The following TRAT1 variants were observed in gnomAD, a reference collection of about 807,000 sequenced individuals.
The protein encoded by TRAT1 is T cell receptor associated transmembrane adaptor 1, also known as T-cell receptor-associated transmembrane adapter 1.
Under a neutral mutation model 20.0 loss-of-function variants are expected in TRAT1, and 20 were observed. The ratio of observed to expected loss-of-function variants is 1.00; its 90% CI spans 0.70 to 1.45. The LOEUF is 1.45. Ranked by LOEUF, TRAT1 falls within the 40% of genes most tolerant of loss-of-function variation. The pLI is 0.00. For missense variants in TRAT1, 237 were observed against 224.1 expected, an observed-to-expected ratio of 1.06 and a Z score of -0.37; for synonymous variants, 77 against 74.2, an observed-to-expected ratio of 1.04 and a Z score of -0.20.
chr3:108,826,087 T>C (rs946316945), intron 1 of TRAT1, among the ~76,000 whole-genome samples: 3 of 152,170 alleles, frequency 2.0e-5, no homozygotes, highest in African/African-American at 7.2e-5. Flanking sequence ...GTCCTCCACC[T>C]CACTCTCATA....
chr3:108,839,156 G>C (rs1945868537), intron 3 of TRAT1, 189 bp downstream of exon 3: 1 of 550,100 alleles, frequency 1.8e-6, no homozygotes, highest in African/African-American at 1.9e-5. Context: ...CTAGTTATTT[G>C]CACACTGTGA....
Position 108,854,799 on chromosome 3 carries a change from A to T in TRAT1, c.*922A>T, listed in dbSNP as rs535581724. 6.6e-6 allele frequency: 1 copy of T among 152,146 alleles called. No homozygotes were observed. The highest frequency in any genetic ancestry group is 2.4e-5 in the African/African-American group (1 of 41,448). 9.4% of individuals were successfully genotyped at this position (152,146 alleles called of 1,614,324 possible). On this transcript the variant is annotated 3_prime_UTR_variant, in exon 6 of 6. Transcript: ENST00000295756. ...TAATTTTAATGACTTTTCAAAAACAATTTATTGATGCAAAAAGCAAGGTTG... is the reference window on the plus strand; with the variant it reads ...TAATTTTAATGACTTTTCAAAAACATTTTATTGATGCAAAAAGCAAGGTTG...
intron 2 of TRAT1, among the ~76,000 whole-genome samples, chr3:108,832,078 C>T (rs1945799206): frequency 6.6e-6 from 1 of 152,108 alleles, no homozygotes; most frequent in South Asian, 2.1e-4. Flanking sequence ...ACCGATAATA[C>T]TAATATAAAA....
At chr3:108,844,801 G>A (rs373184343) in intron 3 of TRAT1, among the ~76,000 whole-genome samples, 7 of 122,780 alleles carry the variant, frequency 5.7e-5, no homozygotes, top group Admixed American at 4.0e-4. Flanking sequence ...CCGAGATTGC[G>A]CCACTGCACT....
chr3:108,832,336 T>C (rs902322992), intron 2 of TRAT1, among the ~76,000 whole-genome samples: 3 of 152,190 alleles, frequency 2.0e-5, no homozygotes, highest in African/African-American at 7.2e-5. Context: ...ATGGCTAAGG[T>C]GAAATTTATG....
intron 1 of TRAT1, among the ~76,000 whole-genome samples, chr3:108,827,988 A>T (rs2107506207): frequency 6.6e-6 from 1 of 152,290 alleles, no homozygotes; most frequent in East Asian, 1.9e-4. Context: ...TAATGGACTA[A>T]CACAACTATT....
At chr3:108,846,885 G>A (rs1237684628) in intron 3 of TRAT1, among the ~76,000 whole-genome samples, 183 bp from the exon 4 acceptor site, 7 of 152,156 alleles carry the variant, frequency 4.6e-5, no homozygotes, top group Non-Finnish European at 7.4e-5. Context: ...ACGGAACACA[G>A]ATACACATAC....
In TRAT1 at chr3:108,836,136, T is replaced by C. The variant is rs143692795; in HGVS notation, c.119-2798T>C. 2.2e-3 allele frequency among the ~76,000 whole-genome samples: 341 copies of C among 152,230 alleles called. 1 individual carries two copies. Among genetic ancestry groups the C allele is most frequent in the African/African-American group, 7.6e-3 (315 of 41,522 alleles). ...GGTTTCACCATTTTGGCCAGGATAG[T>C]CCCGATCTCCCGACCTCGTGATCTG... On this transcript the variant is annotated intron_variant, in intron 2 of 5. Coordinates refer to ENST00000295756, the MANE Select transcript of TRAT1 (RefSeq NM_016388.4).
chr3:108,843,519 A>G (rs1351108825), intron 3 of TRAT1, among the ~76,000 whole-genome samples: 1 of 152,054 alleles, frequency 6.6e-6, no homozygotes, highest in Non-Finnish European at 1.5e-5. Flanking sequence ...ACAGAGCAAG[A>G]CTCCGTCTCA....
At position 108,838,363 on chromosome 3, in the gene TRAT1, TAG is replaced by T. The variant is rs745482730; in HGVS notation, c.119-569_119-568del. On this transcript the variant is annotated intron_variant, in intron 2 of 5. Transcript: ENST00000295756. ...ATGATAGATATAGATAGATGATAGA[TAG>T]ATAGATAGATAGATAGATAGATAGA... Among the ~76,000 whole-genome samples, 415 of 128,224 alleles carry T rather than the reference TAG, an allele frequency of 3.2e-3. 2 individuals carry two copies. The highest frequency in any genetic ancestry group is 0.014 in the African/African-American group (397 of 28,096). The allele number at this position is 128,224 out of a possible 152,430, so 84.1% of individuals were successfully genotyped here.
At chr3:108,852,720 A>G (rs1405445878) in intron 5 of TRAT1, among the ~76,000 whole-genome samples, 2 of 152,232 alleles carry the variant, frequency 1.3e-5, no homozygotes, top group Admixed American at 1.3e-4. Context: ...TATAACTTTC[A>G]TATACATTAT....
At chr3:108,837,306 T>A (rs1264305290) in intron 2 of TRAT1, among the ~76,000 whole-genome samples, 1 of 152,198 alleles carries the variant, frequency 6.6e-6, no homozygotes, top group South Asian at 2.1e-4. Context: ...TCACTTTTGG[T>A]CCCATAGCAG....
At chr3:108,852,209 C>T (rs13072248) in intron 5 of TRAT1, among the ~76,000 whole-genome samples, 68,575 of 151,976 alleles carry the variant, frequency 0.45, 17,338 homozygotes, top group East Asian at 0.9. Flanking sequence ...GGCGAAACTC[C>T]GTCTCTACTA....
rs142672465 is a variant in TRAT1 at position 108,831,596 on chromosome 3, G to A, written c.118+816G>A. Among the ~76,000 whole-genome samples, 852 of 148,700 alleles carry A rather than the reference G, an allele frequency of 5.7e-3. 7 individuals carry two copies. Among genetic ancestry groups the A allele is most frequent in the African/African-American group, 0.02 (817 of 40,066 alleles). On this transcript the variant is annotated intron_variant, in intron 2 of 5. Transcript: ENST00000295756. ...GCTCTGTCGCCCAGGCTGGAATGCA[G>A]TGGCATGATTATAACTCACTGCAGC... is the stretch of plus-strand genomic sequence containing the variant.
At chr3:108,846,603 G>T (rs1362672218) in intron 3 of TRAT1, among the ~76,000 whole-genome samples, 1 of 152,172 alleles carries the variant, frequency 6.6e-6, no homozygotes, top group Non-Finnish European at 1.5e-5. Flanking sequence ...GCAGTACATT[G>T]TACAATAAAG....
At chr3:108,839,259 T>C in intron 3 of TRAT1, 1 of 384,410 alleles carries the variant, frequency 2.6e-6, no homozygotes, top group South Asian at 3.6e-5. Context: ...GCCTAGATTA[T>C]GATCCAGCTT....
chr3:108,826,227 T>TCAGTGATTTGCACACAAC (rs11271542), intron 1 of TRAT1, among the ~76,000 whole-genome samples: 109,791 of 151,852 alleles, frequency 0.72, 39,945 homozygotes, highest in East Asian at 0.99. Context: ...TTAGTGAGAT[T>TCAGTGATTTGCACACAAC]CAGCCACACA....
chr3:108,838,371 TAGATA>T (rs1945859458), intron 2 of TRAT1, among the ~76,000 whole-genome samples: 2 of 150,776 alleles, frequency 1.3e-5, no homozygotes, highest in Non-Finnish European at 1.5e-5. Flanking sequence ...GATAGATAGA[TAGATA>T]GATAGATAGA....
chr3:108,852,397 GCACACACA>G (rs10575104), intron 5 of TRAT1, among the ~76,000 whole-genome samples: 1 of 148,124 alleles, frequency 6.8e-6, no homozygotes, highest in East Asian at 2.0e-4. Flanking sequence ...ACACACGCAT[GCACACACA>G]CACACACACA....
Sources: gnomAD v4.1 joint callset for allele counts (sites outside exome capture counted in the v4.1 genomes callset) on GRCh38, gnomAD v4.1.1 for gene constraint, MANE v1.5 for transcripts, NCBI Gene and HGNC (gene_info 2026-07-23, HGNC 2026-07-21) for gene names.